PDE1C: variants seen among roughly 807,000 people sequenced by gnomAD.
PDE1C encodes the protein dual specificity calcium/calmodulin-dependent 3',5'-cyclic nucleotide phosphodiesterase 1C.
A neutral mutation model predicts 93.1 loss-of-function variants in PDE1C; 62 were observed. The ratio of observed to expected loss-of-function variants is 0.67; its 90% CI spans 0.54 to 0.82. PDE1C has a LOEUF of 0.82. PDE1C is among the 40% of genes least tolerant of loss of function. The pLI is 0.00. For missense variants in PDE1C, 742 were observed against 884.6 expected (o/e 0.84, Z 2.04); for synonymous variants, 325 against 310.1 (o/e 1.05, Z -0.50).
In PDE1C at chr7:31,880,734, AT is replaced by A; in HGVS notation, c.242+12del. 6.7e-7 allele frequency: 1 copy of A among 1,494,306 alleles called. No homozygotes were observed. The highest frequency in any genetic ancestry group is 9.3e-7 in the Non-Finnish European group (1 of 1,075,722). 92.6% of individuals were successfully genotyped at this position (1,494,306 alleles called of 1,614,324 possible). On this transcript the variant is annotated intron_variant, in intron 3 of 17. Transcript: ENST00000396191. ...TATCACTATACTAATCTCTTTTGTT[AT>A]TTTTAGCTTACCTTGTTTCATCAAT...
intron 1 of PDE1C, among the ~76,000 whole-genome samples, chr7:32,366,159 T>A (rs898063069): frequency 3.3e-5 from 5 of 152,084 alleles, no homozygotes; most frequent in Admixed American, 6.5e-5. Context: ...TAGAAGAGAA[T>A]ACAGATAGAC....
intron 10 of PDE1C, 80 bp downstream of exon 10, chr7:31,837,790 T>C: frequency 1.2e-6 from 1 of 857,216 alleles, no homozygotes; most frequent in East Asian, 2.4e-5. Flanking sequence ...AAGGAGATGC[T>C]CTTTAAAGGG....
At chr7:31,628,178 G>A in the PDE1C span, among the ~76,000 whole-genome samples, 4 of 152,222 alleles carry the variant, frequency 2.6e-5, no homozygotes, top group African/African-American at 9.6e-5. Flanking sequence ...GAAGGAGGGA[G>A]TGGTCAATAA....
intron 1 of PDE1C, among the ~76,000 whole-genome samples, chr7:32,335,411 T>C (rs1056826214): frequency 6.6e-6 from 1 of 152,196 alleles, no homozygotes; most frequent in African/African-American, 2.4e-5. Flanking sequence ...TAGCTCTGCA[T>C]TGGTTTGCTA....
At chr7:32,410,165 T>C (rs1785135978) in intron 1 of PDE1C, among the ~76,000 whole-genome samples, 1 of 152,114 alleles carries the variant, frequency 6.6e-6, no homozygotes. Flanking sequence ...CAATATAAAG[T>C]AGTTTTTTAA....
intron 2 of PDE1C, among the ~76,000 whole-genome samples, chr7:32,181,559 T>A (rs1341101777): frequency 6.6e-6 from 1 of 151,946 alleles, no homozygotes. Flanking sequence ...ACTGGGTACA[T>A]AACGAAATGA....
intron 2 of PDE1C, among the ~76,000 whole-genome samples, chr7:31,910,819 A>G (rs1468095978): frequency 6.6e-6 from 1 of 152,152 alleles, no homozygotes; most frequent in African/African-American, 2.4e-5. Flanking sequence ...TGGTGTGAGG[A>G]GTAAGTTTAT....
Position 31,825,003 on chromosome 7 carries a change from A to G in PDE1C, c.1286-16T>C. ...TCAATGAAACCTGAAGAGAAACAGC[A>G]ATGCTTCAGAGGAACCACATATTAC... On this transcript the variant is annotated splice_polypyrimidine_tract_variant and intron_variant, in intron 12 of 17. Coordinates refer to ENST00000396191, the MANE Select transcript of PDE1C (RefSeq NM_001191057.4). 5 of 1,612,968 alleles carry G rather than the reference A, an allele frequency of 3.1e-6. No homozygotes were observed. The highest frequency in any genetic ancestry group is 4.2e-6 in the Non-Finnish European group (5 of 1,179,204).
intron 1 of PDE1C, among the ~76,000 whole-genome samples, chr7:32,342,060 TA>T (rs56071811): frequency 0.8 from 121,793 of 152,050 alleles, 49,125 homozygotes; most frequent in Admixed American, 0.85. Context: ...TGTAATAATT[TA>T]TATATTAAGA....
the PDE1C span, among the ~76,000 whole-genome samples, chr7:31,727,911 G>C: frequency 4.9e-4 from 75 of 152,226 alleles, no homozygotes; most frequent in African/African-American, 1.8e-3. Context: ...GGGCGTGGTG[G>C]CATGCACCTA....
chr7:32,066,239 T>A (rs2128719554), intron 1 of PDE1C, among the ~76,000 whole-genome samples: 1 of 152,316 alleles, frequency 6.6e-6, no homozygotes, highest in East Asian at 1.9e-4. Flanking sequence ...TCCTGTAGTA[T>A]GCTGGGGTGA....
At position 31,765,372 on chromosome 7, in the gene PDE1C, G is replaced by A. The variant is rs547479930; in HGVS notation, c.1960+10292C>T. On this transcript the variant is annotated intron_variant, in intron 17 of 17. Coordinates refer to ENST00000396191, the MANE Select transcript of PDE1C (RefSeq NM_001191057.4). The stretch of plus-strand genomic sequence containing the variant: ...TTTCTCATCATTAATGTGTTTCTTC[G>A]TTTTCATTTTGTTTGTCTTGGCATG... Among the ~76,000 whole-genome samples the A allele has an allele frequency of 4.6e-5, 7 of 152,014 alleles. No individual in the cohort carries two copies. In the East Asian group the frequency reaches 7.7e-4, roughly 17 times the overall value.
At chr7:32,331,436 C>T (rs986692655) in intron 1 of PDE1C, among the ~76,000 whole-genome samples, 7 of 152,094 alleles carry the variant, frequency 4.6e-5, no homozygotes, top group Non-Finnish European at 7.3e-5. Flanking sequence ...TTACAAATTG[C>T]GATCAGTGCT....
At chr7:31,872,088 T>A (rs947407695) in intron 6 of PDE1C, among the ~76,000 whole-genome samples, 3 of 152,098 alleles carry the variant, frequency 2.0e-5, no homozygotes, top group African/African-American at 7.2e-5. Context: ...ATGGATAGAA[T>A]TGGAAGTTAT....
At chr7:31,866,012 G>T (rs185318854) in intron 6 of PDE1C, among the ~76,000 whole-genome samples, 1 of 152,208 alleles carries the variant, frequency 6.6e-6, no homozygotes, top group African/African-American at 2.4e-5. Context: ...TCTGAAATAT[G>T]TATAATATAC....
chr7:32,165,033 C>T (rs758410708), intron 3 of PDE1C, among the ~76,000 whole-genome samples: 1 of 152,208 alleles, frequency 6.6e-6, no homozygotes, highest in Non-Finnish European at 1.5e-5. Context: ...GGTACCAAAG[C>T]CTTTTTCTTT....
At chr7:31,727,434 T>C in the PDE1C span, among the ~76,000 whole-genome samples, 1 of 152,248 alleles carries the variant, frequency 6.6e-6, no homozygotes, top group African/African-American at 2.4e-5. Context: ...AGACCTTCAG[T>C]TATCCTTCAG....
At chr7:32,069,510 T>A (rs1187074633) in intron 1 of PDE1C, among the ~76,000 whole-genome samples, 1 of 152,152 alleles carries the variant, frequency 6.6e-6, no homozygotes, top group East Asian at 1.9e-4. Context: ...AATATACAGC[T>A]ATCCCTCAAG....
intron 2 of PDE1C, among the ~76,000 whole-genome samples, chr7:32,000,840 T>C (rs1785366959): frequency 1.3e-5 from 2 of 152,240 alleles, no homozygotes; most frequent in Non-Finnish European, 2.9e-5. Context: ...GGAATATATT[T>C]ACTTTTTTGA....
Sources: gnomAD v4.1 joint callset for allele counts (sites outside exome capture counted in the v4.1 genomes callset) on GRCh38, gnomAD v4.1.1 for gene constraint, MANE v1.5 for transcripts, NCBI Gene and HGNC (gene_info 2026-07-23, HGNC 2026-07-21) for gene names.